ZZEF1: variants seen among roughly 807,000 people sequenced by gnomAD.
The protein encoded by ZZEF1 is zinc finger ZZ-type and EF-hand domain-containing protein 1.
In ZZEF1, 157 loss-of-function variants were observed where a neutral mutation model predicts 342.8. That is an observed-to-expected ratio of 0.46 (90% CI 0.40 to 0.52). ZZEF1 has a LOEUF of 0.52. Among genes scored for constraint, ZZEF1 ranks in the 20% least tolerant of loss-of-function variants. ZZEF1 has a pLI of 0.00. For missense variants in ZZEF1, 3,480 were observed against 3,725.6 expected (o/e 0.93, Z 1.72); for synonymous variants, 1,505 against 1,429.1 (o/e 1.05, Z -1.20).
intron 9 of ZZEF1, among the ~76,000 whole-genome samples, chr17:4,100,169 T>C (rs1302443707): frequency 6.6e-6 from 1 of 152,172 alleles, no homozygotes; most frequent in East Asian, 1.9e-4. Flanking sequence ...AGAAGAGCTT[T>C]TACTCCGATA....
intron 46 of ZZEF1, among the ~76,000 whole-genome samples, chr17:4,018,266 T>A (rs183034623): frequency 1.5e-4 from 23 of 152,218 alleles, no homozygotes; most frequent in East Asian, 7.7e-4. Flanking sequence ...AAAACATTTT[T>A]AAAAAAAATT....
rs1191591893 is a variant in ZZEF1, at chr17:4,082,495, C to T, written c.2656G>A (p.Glu886Lys). ...NHLFTMMNVT[E>K]QEHKQSLQLT... The stretch of plus-strand genomic sequence containing the variant: ...TGCAGGGACTGCTTGTGCTCCTGCT[C>T]GGTGACATTCTTCTAGAAAACCAGA... Residue 886 changes from glutamate to lysine, a missense_variant, in exon 17 of 55, where the codon GAG becomes AAG. Coordinates refer to ENST00000381638, the MANE Select transcript of ZZEF1 (RefSeq NM_015113.4). 20 of 1,613,806 alleles carry T rather than the reference C, an allele frequency of 1.2e-5. No individual in the cohort carries two copies. The highest frequency in any genetic ancestry group is 2.7e-5 in the African/African-American group (2 of 74,908).
chr17:4,072,615 C>G lies in ZZEF1; in HGVS notation c.3827G>C (p.Ser1276Thr), dbSNP rs761119916. The G allele has an allele frequency of 2.5e-6, 4 of 1,610,084 alleles. No homozygotes were observed. Among genetic ancestry groups the G allele is most frequent in the Non-Finnish European group, 3.4e-6 (4 of 1,178,370 alleles). The part of the protein sequence containing the change: ...ASWPTHPHRN[S>T]KEVKNIPDDP... The stretch of plus-strand genomic sequence containing the variant: ...AAACGGAAGAGTAAATACCTCCTTA[C>G]TATTCCGGTGTGGGTGAGTGGGCCA... Residue 1276 changes from serine to threonine, a missense_variant, in exon 25 of 55, where the codon AGT (serine) becomes ACT (threonine). By Grantham distance (58) the Ser-to-Thr change is moderately conservative (BLOSUM62 1). Transcript: ENST00000381638.
chr17:4,119,558 C>T (rs1460566106), intron 2 of ZZEF1, among the ~76,000 whole-genome samples: 1 of 152,132 alleles, frequency 6.6e-6, no homozygotes, highest in Non-Finnish European at 1.5e-5. Context: ...AATCAATGCC[C>T]TCATTTTAAA....
At chr17:4,039,997 T>C (rs2176323) in intron 39 of ZZEF1, among the ~76,000 whole-genome samples, 139,895 of 152,246 alleles carry the variant, frequency 0.92, 64,412 homozygotes, top group East Asian at 1. Flanking sequence ...GAGATAATAT[T>C]TATTTTGACA....
intron 8 of ZZEF1, among the ~76,000 whole-genome samples, chr17:4,102,905 A>T (rs960147543): frequency 1.3e-5 from 2 of 152,084 alleles, no homozygotes; most frequent in African/African-American, 4.8e-5. Flanking sequence ...ATATATATTT[A>T]TATATACATA....
rs1389956904 is a variant in ZZEF1 at position 4,078,077 on chromosome 17, A to T, written c.2830-35T>A. The T allele has an allele frequency of 5.6e-6, 9 of 1,598,536 alleles. No individual in the cohort carries two copies. In the African/African-American group the frequency reaches 1.2e-4, roughly 21 times the overall value. The stretch of plus-strand genomic sequence containing the variant: ...AGGAGACAAACAGAAAGTGTTCGTG[A>T]CAAGGCCATTCACAGAGCATAGCCA... On this transcript the variant is annotated intron_variant, in intron 18 of 54. Transcript: ENST00000381638.
chr17:4,071,746 T>G (rs2057513781), intron 25 of ZZEF1, among the ~76,000 whole-genome samples: 1 of 152,110 alleles, frequency 6.6e-6, no homozygotes, highest in South Asian at 2.1e-4. Context: ...GTTTTACACT[T>G]CTGAGTTAAG....
chr17:4,085,605 A>G (rs1597869196), intron 16 of ZZEF1, 65 bp downstream of exon 16: 1 of 1,600,180 alleles, frequency 6.2e-7, no homozygotes, highest in East Asian at 2.2e-5. Context: ...CAGAGGTAAC[A>G]AAGCCTAGCA....
At chr17:4,091,953 G>A (rs1461852856) in intron 11 of ZZEF1, among the ~76,000 whole-genome samples, 1 of 151,548 alleles carries the variant, frequency 6.6e-6, no homozygotes, top group Non-Finnish European at 1.5e-5. Flanking sequence ...GTGCATGCCT[G>A]TAATCCCAGC....
rs1205319596 is a variant in ZZEF1, at chr17:4,092,541, A to G, written c.1914-1711T>C. On this transcript the variant is annotated intron_variant, in intron 11 of 54. Transcript: ENST00000381638. Reference sequence around the variant, plus strand: ...GTTTCTGACCTCAAGTCCTGACCTCAAGTGATCCACCCGCCTCGGCCTTCC... The same window carrying G: ...GTTTCTGACCTCAAGTCCTGACCTCGAGTGATCCACCCGCCTCGGCCTTCC... 2.6e-5 allele frequency among the ~76,000 whole-genome samples: 4 copies of G among 152,178 alleles called. No homozygotes were observed. In the East Asian group the frequency reaches 7.7e-4, roughly 29 times the overall value.
intron 39 of ZZEF1, among the ~76,000 whole-genome samples, chr17:4,037,091 C>G (rs1260025471): frequency 1.3e-5 from 2 of 152,078 alleles, no homozygotes; most frequent in East Asian, 3.8e-4. Flanking sequence ...AATAAGTAAT[C>G]AGAATAATGG....
intron 52 of ZZEF1, among the ~76,000 whole-genome samples, chr17:4,010,598 G>A (rs1301777262): frequency 5.3e-5 from 8 of 150,840 alleles, no homozygotes; most frequent in Non-Finnish European, 8.9e-5. Flanking sequence ...GGTGGTGGGC[G>A]CCTGTAATCC....
At chr17:4,078,165 T>C in intron 18 of ZZEF1, 123 bp from the exon 19 acceptor site, 4 of 1,012,988 alleles carry the variant, frequency 3.9e-6, no homozygotes, top group Non-Finnish European at 5.6e-6. Flanking sequence ...GGAAAAGTCA[T>C]GAAACAGCTT....
chr17:4,084,047 C>T (rs1486427419), intron 16 of ZZEF1, among the ~76,000 whole-genome samples: 1 of 152,166 alleles, frequency 6.6e-6, no homozygotes, highest in East Asian at 1.9e-4. Context: ...CCTTGTCCTA[C>T]AGCACTAGCT....
Position 4,086,545 on chromosome 17 carries a change from G to A in ZZEF1, c.2453C>T (p.Pro818Leu), listed in dbSNP as rs777964348. Reference sequence around the variant, plus strand: ...CTCTACTCCTTTAGGGCTTTGGATTGGAGCCTTTTCCTCCTCAGAAGCAGC... The same window carrying A: ...CTCTACTCCTTTAGGGCTTTGGATTAGAGCCTTTTCCTCCTCAGAAGCAGC... ...VLAASEEEKA[P>L]IQSPKGVEAA... Residue 818 changes from proline to leucine, a missense_variant, in exon 15 of 55, where the codon CCA (proline) becomes CTA (leucine). This residue lies in a region of ZZEF1 where 1,528 missense variants were observed against 1,624.1 expected (regional missense o/e 0.94). Transcript: ENST00000381638. 33 of 1,614,060 alleles carry A rather than the reference G, an allele frequency of 2.0e-5. No homozygotes were observed. Among genetic ancestry groups the A allele is most frequent in the Non-Finnish European group, 2.7e-5 (32 of 1,180,032 alleles).
chr17:4,047,198 C>T (rs901414828), intron 37 of ZZEF1, among the ~76,000 whole-genome samples: 1 of 152,190 alleles, frequency 6.6e-6, no homozygotes, highest in African/African-American at 2.4e-5. Flanking sequence ...CCATTTCAAT[C>T]CTGAAGCAGG....
Position 4,016,549 on chromosome 17 carries a change from C to A in ZZEF1, c.8002-83G>T. 2 of 1,500,614 alleles carry A rather than the reference C, an allele frequency of 1.3e-6. No individual in the cohort carries two copies. Among genetic ancestry groups the A allele is most frequent in the South Asian group, 1.3e-5 (1 of 76,082 alleles). The allele number at this position is 1,500,614 out of a possible 1,614,324, so 93.0% of individuals were successfully genotyped here. On this transcript the variant is annotated intron_variant, in intron 48 of 54. Transcript: ENST00000381638. This position sits in a 1 kb window ranked among gnomAD's most constrained non-coding sequence, Gnocchi z 4.4. ...CAGTTTACTTCAACCCAAGCTCCACCCAAAGGTGCTGGCATCATCTTAGAC... is the reference window on the plus strand; with the variant it reads ...CAGTTTACTTCAACCCAAGCTCCACACAAAGGTGCTGGCATCATCTTAGAC...
chr17:4,141,276 A>G (rs1443873370), intron 1 of ZZEF1, among the ~76,000 whole-genome samples: 1 of 152,202 alleles, frequency 6.6e-6, no homozygotes, highest in African/African-American at 2.4e-5. Context: ...CACAAACTAC[A>G]TTATCTGAAT....
Sources: allele counts gnomAD v4.1 joint callset (sites outside exome capture counted in the v4.1 genomes callset), GRCh38; gene constraint gnomAD v4.1.1; regional missense constraint gnomAD v4.1.1; non-coding constraint Gnocchi (gnomAD v3.1); transcripts MANE v1.5; gene names NCBI Gene and HGNC (gene_info 2026-07-23, HGNC 2026-07-21).